PRKN: variants seen among roughly 807,000 people sequenced by gnomAD.
PRKN encodes parkin RBR E3 ubiquitin protein ligase.
PRKN carries 56 observed loss-of-function variants against 59.5 expected under a neutral mutation model. The ratio of observed to expected loss-of-function variants is 0.94; its 90% CI spans 0.76 to 1.18. The LOEUF is 1.18. Ranked by LOEUF, PRKN falls within the 50% of genes most tolerant of loss-of-function variation. The pLI is 0.00. For missense variants in PRKN, 657 were observed against 596.4 expected (o/e 1.10, Z -1.06); for synonymous variants, 250 against 222.1 (o/e 1.13, Z -1.12).
intron 3 of PRKN, among the ~76,000 whole-genome samples, chr6:162,246,011 C>T (rs546534221): frequency 7.9e-5 from 12 of 152,216 alleles, no homozygotes; most frequent in South Asian, 4.1e-4. Context: ...CTTCTTTTGA[C>T]GCATGACTGA....
chr6:161,430,554 G>A (rs1335640056), intron 9 of PRKN, among the ~76,000 whole-genome samples: 2 of 152,216 alleles, frequency 1.3e-5, no homozygotes, highest in Middle Eastern at 3.4e-3. Context: ...GGTGGCTCAC[G>A]CCTGTAATCC....
At chr6:161,880,443 T>C (rs960364400) in intron 6 of PRKN, among the ~76,000 whole-genome samples, 1 of 152,216 alleles carries the variant, frequency 6.6e-6, no homozygotes, top group Admixed American at 6.5e-5. Context: ...GGGTAATTTA[T>C]ATAACCTCAG....
intron 7 of PRKN, among the ~76,000 whole-genome samples, chr6:161,705,781 C>T (rs1786462409): frequency 6.6e-6 from 1 of 152,118 alleles, no homozygotes; most frequent in Non-Finnish European, 1.5e-5. Flanking sequence ...TCTTTGTAAA[C>T]CTTGCTTCTT....
Position 161,468,161 on chromosome 6 carries a change from C to T in PRKN, c.1083+80693G>A, listed in dbSNP as rs541386344. On this transcript the variant is annotated intron_variant, in intron 9 of 11. Transcript: ENST00000366898. The surrounding 1 kb of genome is among the most constrained non-coding windows in gnomAD (Gnocchi z 5.9). ...CTAATTTTTGTATTTTTAGTAGAGA[C>T]GGGGTTTCGCCATGTTGGCCAGGCT... Among the ~76,000 whole-genome samples the T allele has an allele frequency of 5.9e-5, 9 of 152,060 alleles. No individual in the cohort carries two copies. The South Asian group carries it at 1.0e-3, about 18-fold the overall frequency.
chr6:161,756,466 A>C (rs886556124), intron 7 of PRKN, among the ~76,000 whole-genome samples: 2 of 150,748 alleles, frequency 1.3e-5, no homozygotes, highest in Admixed American at 6.6e-5. Flanking sequence ...AAAAAAAAAA[A>C]AAAACACTTT....
intron 9 of PRKN, among the ~76,000 whole-genome samples, chr6:161,421,874 C>G (rs1306525524): frequency 6.6e-6 from 1 of 152,050 alleles, no homozygotes; most frequent in Non-Finnish European, 1.5e-5. Flanking sequence ...TGAAGAAATT[C>G]TTGGTATATT....
chr6:162,674,465 A>G (rs1462743689), intron 1 of PRKN, among the ~76,000 whole-genome samples: 1 of 152,186 alleles, frequency 6.6e-6, no homozygotes, highest in African/African-American at 2.4e-5. Flanking sequence ...GTAGGGAATA[A>G]TGGTATTGGA....
intron 2 of PRKN, among the ~76,000 whole-genome samples, chr6:162,364,326 T>C (rs1562703501): frequency 6.6e-6 from 1 of 152,192 alleles, no homozygotes; most frequent in African/African-American, 2.4e-5. Flanking sequence ...AACTGGACTT[T>C]TCCTTAATTT....
intron 6 of PRKN, among the ~76,000 whole-genome samples, chr6:161,877,138 G>A (rs1027529477): frequency 2.6e-5 from 4 of 152,042 alleles, no homozygotes; most frequent in Non-Finnish European, 5.9e-5. Flanking sequence ...TTCAAGCCAC[G>A]TAGTTGCCTG....
rs138649628 is a variant in PRKN at position 161,457,838 on chromosome 6, C to A, written c.1084-70961G>T. The stretch of plus-strand genomic sequence containing the variant: ...GTCCAACATTTTGTAGATGACCGCA[C>A]ATGTAAGTTAAAGAAATAGTGGCCT... On this transcript the variant is annotated intron_variant, in intron 9 of 11. Coordinates refer to ENST00000366898, the MANE Select transcript of PRKN (RefSeq NM_004562.3). The surrounding 1 kb of genome is among the most constrained non-coding windows in gnomAD (Gnocchi z 5.0). Among the ~76,000 whole-genome samples, 97 of 152,322 alleles carry A rather than the reference C, an allele frequency of 6.4e-4. No individual in the cohort carries two copies. In the East Asian group the frequency reaches 0.017, roughly 26 times the overall value.
intron 6 of PRKN, among the ~76,000 whole-genome samples, chr6:161,883,007 AG>A (rs1382690543): frequency 0.013 from 1,878 of 139,280 alleles, 37 homozygotes; most frequent in African/African-American, 0.05. Context: ...TCTGACTCAA[AG>A]AAAACAAAAA....
chr6:162,223,343 T>G (rs891459696), intron 3 of PRKN, among the ~76,000 whole-genome samples: 1 of 152,038 alleles, frequency 6.6e-6, no homozygotes, highest in Non-Finnish European at 1.5e-5. Flanking sequence ...TTTCATGTGA[T>G]TGACACTCTT....
chr6:161,364,355 A>G (rs1457329920), intron 10 of PRKN, among the ~76,000 whole-genome samples: 1 of 149,416 alleles, frequency 6.7e-6, no homozygotes, highest in African/African-American at 2.5e-5. Flanking sequence ...GCTACTCAGG[A>G]GGCTGAGGCA....
chr6:162,610,102 A>T lies in PRKN; in HGVS notation c.7+117560T>A, dbSNP rs568085656. On this transcript the variant is annotated intron_variant, in intron 1 of 11. Transcript: ENST00000366898. ...CAACAACAACAAAGCTCATATTTAC[A>T]TAGCATGTACTCTGTCAGGTACTGT... Among the ~76,000 whole-genome samples the T allele has an allele frequency of 2.0e-5, 3 of 152,362 alleles. No individual in the cohort carries two copies. In the East Asian group the frequency reaches 5.8e-4, roughly 29 times the overall value.
chr6:162,139,884 C>A (rs1397550312), intron 4 of PRKN, among the ~76,000 whole-genome samples: 1 of 128,166 alleles, frequency 7.8e-6, no homozygotes, highest in African/African-American at 3.2e-5. Context: ...GAGCGAGACT[C>A]CATCTCAAAA....
intron 2 of PRKN, among the ~76,000 whole-genome samples, chr6:162,414,357 G>T (rs537723864): frequency 3.9e-5 from 6 of 152,094 alleles, no homozygotes; most frequent in African/African-American, 1.2e-4. Context: ...AGGTTTGAAC[G>T]GCTGTTAGGA....
At chr6:162,252,336 C>A (rs112108992) in intron 3 of PRKN, among the ~76,000 whole-genome samples, 3 of 152,156 alleles carry the variant, frequency 2.0e-5, no homozygotes, top group Non-Finnish European at 4.4e-5. Flanking sequence ...GTTTGCCTAT[C>A]TGTATATAGA....
chr6:162,073,911 C>A (rs1219575495), intron 4 of PRKN, among the ~76,000 whole-genome samples: 2 of 152,148 alleles, frequency 1.3e-5, no homozygotes, highest in African/African-American at 2.4e-5. Context: ...TGGAGAAATG[C>A]AAATCAAAAT....
intron 4 of PRKN, among the ~76,000 whole-genome samples, chr6:162,153,221 G>T (rs1007750983): frequency 6.6e-6 from 1 of 152,238 alleles, no homozygotes; most frequent in African/African-American, 2.4e-5. Context: ...GCAGGAACAA[G>T]CCTGCTCCTT....
Sources: allele counts gnomAD v4.1 joint callset (sites outside exome capture counted in the v4.1 genomes callset), GRCh38; gene constraint gnomAD v4.1.1; non-coding constraint Gnocchi (gnomAD v3.1); transcripts MANE v1.5; gene names NCBI Gene and HGNC (gene_info 2026-07-23, HGNC 2026-07-21).